The following THADA variants were observed in gnomAD, a reference collection of about 807,000 sequenced individuals.
THADA encodes the protein tRNA (32-2'-O)-methyltransferase regulator THADA.
A neutral mutation model predicts 219.8 loss-of-function variants in THADA; 213 were observed. The ratio of observed to expected loss-of-function variants is 0.97; its 90% CI spans 0.87 to 1.09. The LOEUF is 1.09. Ranked by LOEUF, THADA falls within the 50% of genes least tolerant of loss-of-function variation. THADA has a pLI of 0.00. For synonymous variants in THADA, 1,018 were observed against 828.9 expected, an observed-to-expected ratio of 1.23 and a Z score of -3.92; for missense variants, 2,956 against 2,311.3, an observed-to-expected ratio of 1.28 and a Z score of -5.72.
intron 36 of THADA, among the ~76,000 whole-genome samples, chr2:43,274,233 C>T (rs1244587262): frequency 1.3e-5 from 2 of 152,204 alleles, no homozygotes; most frequent in Non-Finnish European, 2.9e-5. Context: ...CCCAACACTA[C>T]AGGCTGCAAA....
intron 36 of THADA, among the ~76,000 whole-genome samples, chr2:43,250,949 A>AG (rs899148210): frequency 2.6e-4 from 40 of 152,214 alleles, no homozygotes; most frequent in African/African-American, 9.2e-4. Context: ...AAGGGAGGTG[A>AG]GGGGTGGACA....
chr2:43,348,614 C>T (rs1242266926), intron 29 of THADA, among the ~76,000 whole-genome samples: 1 of 152,078 alleles, frequency 6.6e-6, no homozygotes, highest in Non-Finnish European at 1.5e-5. Flanking sequence ...GGAAAGGATA[C>T]ATCTGAGAGA....
chr2:43,272,264 G>A (rs1672212124), intron 36 of THADA, among the ~76,000 whole-genome samples: 1 of 152,204 alleles, frequency 6.6e-6, no homozygotes, highest in South Asian at 2.1e-4. Context: ...TGCCTTAGGA[G>A]TCTGGGTTTT....
intron 23 of THADA, 112 bp downstream of exon 23, chr2:43,508,536 G>A: frequency 9.3e-7 from 1 of 1,074,160 alleles, no homozygotes; most frequent in Non-Finnish European, 1.3e-6. Context: ...GTGCTGAAAA[G>A]ACAGAAATGT....
At chr2:43,422,702 T>C (rs1677868585) in intron 28 of THADA, among the ~76,000 whole-genome samples, 1 of 152,178 alleles carries the variant, frequency 6.6e-6, no homozygotes, top group Non-Finnish European at 1.5e-5. Flanking sequence ...GATAGTCTCA[T>C]CCCATCAATC....
At chr2:43,444,741 G>A (rs1247020503) in intron 26 of THADA, among the ~76,000 whole-genome samples, 1 of 151,950 alleles carries the variant, frequency 6.6e-6, no homozygotes, top group African/African-American at 2.4e-5. Context: ...GGGGGGGGAG[G>A]TATCCACACA....
rs13388516 is a variant in THADA at position 43,572,439 on chromosome 2, G to T, written c.1908+375C>A. On this transcript the variant is annotated intron_variant, in intron 12 of 37. Transcript: ENST00000405975. ...TTTGGGTCCCTCCATTTTGTATGCT[G>T]CTCCAAGGCTTCCTCTTTTCTAATC... Among the ~76,000 whole-genome samples, 999 of 152,228 alleles carry T rather than the reference G, an allele frequency of 6.6e-3. 12 individuals carry two copies. The highest frequency in any genetic ancestry group is 0.023 in the African/African-American group (962 of 41,510).
At chr2:43,244,188 T>C (rs1668900956) in intron 36 of THADA, among the ~76,000 whole-genome samples, 1 of 152,182 alleles carries the variant, frequency 6.6e-6, no homozygotes, top group Non-Finnish European at 1.5e-5. Flanking sequence ...AAGCAATTCA[T>C]AAGAGTTAAA....
At chr2:43,571,558 G>A (rs1162731557) in intron 13 of THADA, 149 bp downstream of exon 13, 33 of 672,014 alleles carry the variant, frequency 4.9e-5, no homozygotes, top group Non-Finnish European at 7.0e-5. Flanking sequence ...TGGAATGAGA[G>A]AACAGGTCAC....
chr2:43,271,293 T>G (rs1297000811), intron 36 of THADA, among the ~76,000 whole-genome samples: 1 of 152,036 alleles, frequency 6.6e-6, no homozygotes, highest in Non-Finnish European at 1.5e-5. Context: ...AGTAGATGCT[T>G]CATCAGTTCC....
chr2:43,472,681 A>G (rs1250712395), intron 26 of THADA, among the ~76,000 whole-genome samples: 2 of 152,194 alleles, frequency 1.3e-5, no homozygotes, highest in Admixed American at 1.3e-4. Context: ...ATGTTCTCAG[A>G]AGTGTGTCAT....
intron 29 of THADA, among the ~76,000 whole-genome samples, chr2:43,358,478 G>C (rs1669124191): frequency 6.6e-6 from 1 of 152,184 alleles, no homozygotes; most frequent in Non-Finnish European, 1.5e-5. Flanking sequence ...GCTGTTCATG[G>C]GGGAGATAGG....
chr2:43,378,591 A>G (rs1412448521), intron 29 of THADA, among the ~76,000 whole-genome samples: 1 of 152,188 alleles, frequency 6.6e-6, no homozygotes, highest in African/African-American at 2.4e-5. Context: ...CAGATGTCAT[A>G]GACAATATAA....
intron 26 of THADA, among the ~76,000 whole-genome samples, chr2:43,432,884 T>C (rs1010942358): frequency 6.6e-6 from 1 of 152,262 alleles, no homozygotes; most frequent in Non-Finnish European, 1.5e-5. Context: ...CTTGGTCATA[T>C]ATATGCATGG....
chr2:43,448,319 A>C (rs1214488392), intron 26 of THADA, among the ~76,000 whole-genome samples: 1 of 152,192 alleles, frequency 6.6e-6, no homozygotes, highest in Non-Finnish European at 1.5e-5. Flanking sequence ...CCCTAGCCTC[A>C]TGGCGGGCAA....
At chr2:43,301,414 C>A (rs1370217902) in intron 31 of THADA, among the ~76,000 whole-genome samples, 4 of 152,208 alleles carry the variant, frequency 2.6e-5, no homozygotes, top group African/African-American at 9.6e-5. Flanking sequence ...AACACTGGCT[C>A]GTTGTGTGCA....
rs186304384 is a variant in THADA, at chr2:43,546,410, A to G, written c.3106+2800T>C. On this transcript the variant is annotated intron_variant, in intron 20 of 37. Transcript: ENST00000405975. ...TCCGCTTGGTGCAGAACTGAGTTCAATTCCTGGATATCCTTGTTAACTTTC... is the reference window on the plus strand; with the variant it reads ...TCCGCTTGGTGCAGAACTGAGTTCAGTTCCTGGATATCCTTGTTAACTTTC... 1.3e-4 allele frequency among the ~76,000 whole-genome samples: 20 copies of G among 152,286 alleles called. No individual in the cohort carries two copies. In the East Asian group the frequency reaches 3.9e-3, roughly 29 times the overall value.
At position 43,344,311 on chromosome 2, in the gene THADA, G is replaced by A. The variant is rs1018557079; in HGVS notation, c.4228-74C>T. 5.1e-5 allele frequency: 55 copies of A among 1,077,706 alleles called. 1 individual carries two copies. In the Middle Eastern group the frequency reaches 1.1e-3, roughly 22 times the overall value. The allele number at this position is 1,077,706 out of a possible 1,614,324, so 66.8% of individuals were successfully genotyped here. A position where few individuals can be genotyped will look rare whatever the true frequency, so the allele number is the denominator to read the frequency against. On this transcript the variant is annotated intron_variant, in intron 29 of 37. Transcript: ENST00000405975. Reference sequence around the variant, plus strand: ...TAAATGCTCAGTTCCTCCCTTTTAAGTTTCCTTAAAATGTTCCCCTCAAAG... The same window carrying A: ...TAAATGCTCAGTTCCTCCCTTTTAAATTTCCTTAAAATGTTCCCCTCAAAG...
chr2:43,546,810 T>C (rs1250045462), intron 20 of THADA, among the ~76,000 whole-genome samples: 1 of 152,232 alleles, frequency 6.6e-6, no homozygotes, highest in Admixed American at 6.5e-5. Context: ...CTGATGGGTC[T>C]TGACTCTTTT....
Sources: gnomAD v4.1 joint callset for allele counts (sites outside exome capture counted in the v4.1 genomes callset) on GRCh38, gnomAD v4.1.1 for gene constraint, MANE v1.5 for transcripts, NCBI Gene and HGNC (gene_info 2026-07-23, HGNC 2026-07-21) for gene names.